ZNF653: variants seen among roughly 807,000 people sequenced by gnomAD.
ZNF653 encodes 67 kDa zinc finger protein.
Under a neutral mutation model 59.9 loss-of-function variants are expected in ZNF653, and 37 were observed. The ratio of observed to expected loss-of-function variants is 0.62; its 90% CI spans 0.48 to 0.81. ZNF653 has a LOEUF of 0.81. Ranked by LOEUF, ZNF653 falls within the 40% of genes least tolerant of loss-of-function variation. ZNF653 has a pLI of 0.00. For synonymous variants in ZNF653, 435 were observed against 371.8 expected (o/e 1.17, Z -1.96); for missense variants, 808 against 881.1 (o/e 0.92, Z 1.05).
chr19:11,494,327 G>A (rs367999735), intron 3 of ZNF653, among the ~76,000 whole-genome samples: 1 of 139,554 alleles, frequency 7.2e-6, no homozygotes, highest in African/African-American at 2.8e-5. Context: ...GTCTCAAAAA[G>A]ATAACATAAC....
chr19:11,487,218 C>A lies in ZNF653; in HGVS notation c.1172-60G>T. Reference sequence around the variant, plus strand: ...ACGAAGGCTGCCGAGGTGCCCACTTCGAGGGCCATTCCTCGCCCGGCCCCT... The same window carrying A: ...ACGAAGGCTGCCGAGGTGCCCACTTAGAGGGCCATTCCTCGCCCGGCCCCT... On this transcript the variant is annotated intron_variant, in intron 4 of 8. Transcript: ENST00000293771. This position sits in a 1 kb window ranked among gnomAD's most constrained non-coding sequence, Gnocchi z 5.1. 3 of 1,600,988 alleles carry A rather than the reference C, an allele frequency of 1.9e-6. No individual in the cohort carries two copies. Among genetic ancestry groups the A allele is most frequent in the Non-Finnish European group, 8.5e-7 (1 of 1,173,556 alleles).
intron 7 of ZNF653, 54 bp from the exon 8 acceptor site, chr19:11,484,195 T>C: frequency 7.4e-7 from 1 of 1,349,576 alleles, no homozygotes; most frequent in South Asian, 1.2e-5. Context: ...GTGTCTCTGA[T>C]GTGCTGCAGA....
Position 11,486,969 on chromosome 19 carries a change from G to T in ZNF653, c.1343+18C>A, listed in dbSNP as rs1227251769. 2 of 1,612,466 alleles carry T rather than the reference G, an allele frequency of 1.2e-6. No individual in the cohort carries two copies. Among genetic ancestry groups the T allele is most frequent in the South Asian group, 1.1e-5 (1 of 90,878 alleles). ...GCTTCTAGCCCTCGCCCTCACCCTT[G>T]CCCGCCCCGGCACCCACTTCTCAGG... On this transcript the variant is annotated intron_variant, in intron 5 of 8. Transcript: ENST00000293771.
chr19:11,492,383 T>A (rs1971538690), intron 3 of ZNF653, among the ~76,000 whole-genome samples: 1 of 152,120 alleles, frequency 6.6e-6, no homozygotes, highest in African/African-American at 2.4e-5. Flanking sequence ...AGTGTCTCCC[T>A]CTGTCACCTA....
At chr19:11,498,644 A>C (rs1026770907) in intron 1 of ZNF653, among the ~76,000 whole-genome samples, 8 of 151,980 alleles carry the variant, frequency 5.3e-5, no homozygotes, top group Admixed American at 5.2e-4. Flanking sequence ...GAGTTTCACC[A>C]TGTTGGCCAG....
In ZNF653 at chr19:11,495,244, C is replaced by T. The variant is rs1015615441; in HGVS notation, c.559+706G>A. On this transcript the variant is annotated intron_variant, in intron 3 of 8. Transcript: ENST00000293771. This position sits in a 1 kb window ranked among gnomAD's most constrained non-coding sequence, Gnocchi z 4.9. ...CACTCACCGGGGCCAACTGAGCCTC[C>T]CTCACTGAGTCCCTGCCCCGTGGGA... 6.6e-6 allele frequency among the ~76,000 whole-genome samples: 1 copy of T among 152,096 alleles called. No individual in the cohort carries two copies. The highest frequency in any genetic ancestry group is 6.6e-5 in the Admixed American group (1 of 15,264).
At position 11,487,784 on chromosome 19, in the gene ZNF653, G is replaced by C; in HGVS notation, c.679C>G (p.Pro227Ala). ...KAAAAAAAAT[P>A]TSPVGSSGLI... Reference sequence around the variant, plus strand: ...CCGCTGCTGCCCACCGGGCTGGTGGGCGTCGCTGCCGCTGCCGCTGCCGCA... The same window carrying C: ...CCGCTGCTGCCCACCGGGCTGGTGGCCGTCGCTGCCGCTGCCGCTGCCGCA... The change falls in exon 4 of 9, where the codon CCC becomes GCC. Residue 227 changes from proline to alanine, a missense_variant. Coordinates refer to ENST00000293771, the MANE Select transcript of ZNF653 (RefSeq NM_138783.4). The surrounding 1 kb of genome is among the most constrained non-coding windows in gnomAD (Gnocchi z 5.1). 6.2e-7 allele frequency: 1 copy of C among 1,611,420 alleles called. No individual in the cohort carries two copies. The highest frequency in any genetic ancestry group is 1.1e-5 in the South Asian group (1 of 91,022).
At chr19:11,500,029 G>A (rs1323362027) in intron 1 of ZNF653, among the ~76,000 whole-genome samples, 5 of 152,072 alleles carry the variant, frequency 3.3e-5, no homozygotes, top group Admixed American at 6.6e-5. Context: ...CAGTATCATC[G>A]TGGAGCCTGG....
At chr19:11,493,362 T>G (rs114920798) in intron 3 of ZNF653, among the ~76,000 whole-genome samples, 6,790 of 152,066 alleles carry the variant, frequency 0.045, 179 homozygotes, top group Admixed American at 0.072. Context: ...CCAGCCTTTG[T>G]TTTGGGTCTT....
At chr19:11,486,921 G>T (rs765735881) in intron 5 of ZNF653, 41 bp from the exon 6 acceptor site, 2 of 1,610,962 alleles carry the variant, frequency 1.2e-6, no homozygotes, top group Non-Finnish European at 1.7e-6. Flanking sequence ...TCCCGCACCA[G>T]GCAGGCTGGG....
At chr19:11,485,541 T>C in intron 7 of ZNF653, 115 bp downstream of exon 7, 3 of 742,502 alleles carry the variant, frequency 4.0e-6, no homozygotes, top group South Asian at 1.6e-5. Context: ...CCTAGGGGTG[T>C]AGTCCTGTGC....
intron 7 of ZNF653, 38 bp downstream of exon 7, chr19:11,485,618 G>T: frequency 6.4e-7 from 1 of 1,552,186 alleles, no homozygotes; most frequent in Non-Finnish European, 8.9e-7. Flanking sequence ...ATGTCCCTGT[G>T]TCCCCCGCTC....
intron 5 of ZNF653, 49 bp from the exon 6 acceptor site, chr19:11,486,929 G>A: frequency 1.2e-6 from 2 of 1,609,932 alleles, no homozygotes; most frequent in South Asian, 2.2e-5. Flanking sequence ...CAGGCAGGCT[G>A]GGGGCCTGCG....
Position 11,487,865 on chromosome 19 carries a change from T to C in ZNF653, c.598A>G (p.Ser200Gly), listed in dbSNP as rs1971487192. ...TCAGAGTCAGAGGCAGAGCCAGAGC[T>C]GGATGAGTCAGAGCTGCCAGCCACC... ...GLVAGSSDSS[S>G]SGSASDSEES... Residue 200 changes from serine (S) to glycine (G), a missense_variant, in exon 4 of 9, where the codon AGC (serine) becomes GGC (glycine). By Grantham distance (56) the Ser-to-Gly change is moderately conservative (BLOSUM62 0). Transcript: ENST00000293771. This position sits in a 1 kb window ranked among gnomAD's most constrained non-coding sequence, Gnocchi z 5.1. 6.2e-7 allele frequency: 1 copy of C among 1,605,876 alleles called. No individual in the cohort carries two copies. Among genetic ancestry groups the C allele is most frequent in the African/African-American group, 1.3e-5 (1 of 74,668 alleles).
At chr19:11,492,356 A>G (rs1234482342) in intron 3 of ZNF653, among the ~76,000 whole-genome samples, 1 of 151,212 alleles carries the variant, frequency 6.6e-6, no homozygotes, top group Non-Finnish European at 1.5e-5. Context: ...ATTTTAATTA[A>G]TTTATTTTTT....
At chr19:11,492,962 G>C (rs986719078) in intron 3 of ZNF653, among the ~76,000 whole-genome samples, 13 of 152,124 alleles carry the variant, frequency 8.5e-5, no homozygotes, top group African/African-American at 3.1e-4. Flanking sequence ...GCCCAGGCTG[G>C]TCTCGAACTT....
At chr19:11,492,113 CT>C (rs1393082844) in intron 3 of ZNF653, among the ~76,000 whole-genome samples, 1 of 152,054 alleles carries the variant, frequency 6.6e-6, no homozygotes, top group East Asian at 1.9e-4. Context: ...ATGGTGCAGT[CT>C]CGGCTCACTG....
intron 2 of ZNF653, among the ~76,000 whole-genome samples, chr19:11,497,540 G>T (rs1305234621): frequency 1.3e-5 from 2 of 152,138 alleles, no homozygotes; most frequent in Non-Finnish European, 2.9e-5. Flanking sequence ...TGAAGACATC[G>T]CCAGGACACA....
At chr19:11,488,344 G>A (rs1971494058) in intron 3 of ZNF653, among the ~76,000 whole-genome samples, 1 of 151,696 alleles carries the variant, frequency 6.6e-6, no homozygotes, top group Non-Finnish European at 1.5e-5. Context: ...AGAGATAGGG[G>A]TTCACCAGGA....
Sources: gnomAD v4.1 joint callset for allele counts (sites outside exome capture counted in the v4.1 genomes callset) on GRCh38, gnomAD v4.1.1 for gene constraint, Gnocchi (gnomAD v3.1) non-coding constraint, MANE v1.5 for transcripts, NCBI Gene and HGNC (gene_info 2026-07-23, HGNC 2026-07-21) for gene names.